The following SPTB variants were observed in gnomAD, a reference collection of about 807,000 sequenced individuals.
SPTB encodes spectrin beta, erythrocytic, also known as spectrin beta chain, erythrocytic.
SPTB carries 45 observed loss-of-function variants against 256.2 expected under a neutral mutation model. That is an observed-to-expected ratio of 0.18 (90% CI 0.14 to 0.23). SPTB has a LOEUF of 0.23. Ranked by LOEUF, SPTB falls within the 10% of genes least tolerant of loss-of-function variation. The probability of loss-of-function intolerance (pLI) is 1.00; values close to 1 mark genes in which losing one functional copy is unlikely to be tolerated. For missense variants in SPTB, 2,715 were observed against 3,040.4 expected, an observed-to-expected ratio of 0.89 and a Z score of 2.52; for synonymous variants, 1,231 against 1,243.1, an observed-to-expected ratio of 0.99 and a Z score of 0.21.
intron 32 of SPTB, chr14:64,756,353 A>C (rs1414159665): frequency 6.6e-6 from 1 of 152,296 alleles, no homozygotes; most frequent in African/African-American, 2.4e-5. Context: ...GTGGATCACG[A>C]GATCAGGAGA....
chr14:64,836,945 G>A (rs1433985874), intron 1 of SPTB, among the ~76,000 whole-genome samples: 10 of 152,288 alleles, frequency 6.6e-5, no homozygotes. Flanking sequence ...AGCCAAACCA[G>A]GCCAATGGGT....
chr14:64,879,854 G>T lies in SPTB; in HGVS notation c.-114C>A. The T allele has an allele frequency of 6.5e-6, 1 of 153,562 alleles. No individual in the cohort carries two copies. Among genetic ancestry groups the T allele is most frequent in the South Asian group, 1.8e-4 (1 of 5,506 alleles). 9.5% of individuals were successfully genotyped at this position (153,562 alleles called of 1,614,324 possible). On this transcript the variant is annotated 5_prime_UTR_variant, in exon 1 of 36. Coordinates refer to ENST00000644917, the MANE Select transcript of SPTB (RefSeq NM_001355436.2). ...GGGGTGGCGGCGGCGGCGGCGCAGG[G>T]GGAGGAGGGCAGCGCGGGGCTCCTG...
chr14:64,814,188 A>C (rs1399969958), intron 2 of SPTB, among the ~76,000 whole-genome samples: 1 of 152,224 alleles, frequency 6.6e-6, no homozygotes, highest in East Asian at 1.9e-4. Context: ...GCATGCCTAT[A>C]GTCCCAGCTA....
Position 64,786,763 on chromosome 14 carries a change from G to T in SPTB, c.3202C>A (p.Gln1068Lys), listed in dbSNP as rs770789297. 3.1e-6 allele frequency: 5 copies of T among 1,613,950 alleles called. No homozygotes were observed. Among genetic ancestry groups the T allele is most frequent in the South Asian group, 1.1e-5 (1 of 91,090 alleles). Residue 1068 changes from glutamine to lysine, a missense_variant, in exon 16 of 36, where the codon CAG (glutamine) becomes AAG (lysine). Gln to Lys is a moderately conservative substitution (Grantham distance 53). Transcript: ENST00000644917. This position sits in a 1 kb window ranked among gnomAD's most constrained non-coding sequence, Gnocchi z 5.6. ...GEVSQLQAFL[Q>K]DLDDFQAWLS... Reference sequence around the variant, plus strand: ...CAGGCCTGGAAGTCATCCAGATCCTGCAGGAAGGCCTGCAGCTGGCTGACT... The same window carrying T: ...CAGGCCTGGAAGTCATCCAGATCCTTCAGGAAGGCCTGCAGCTGGCTGACT...
At chr14:64,782,740 T>C (rs1045687904) in intron 19 of SPTB, among the ~76,000 whole-genome samples, 187 bp from the exon 20 acceptor site, 2 of 151,614 alleles carry the variant, frequency 1.3e-5, no homozygotes, top group African/African-American at 4.9e-5. Flanking sequence ...TCCAAACTTT[T>C]GGCTTCCCTG....
rs930472599 is a variant in SPTB at position 64,847,245 on chromosome 14, C to T, written c.-51-24100G>A. Among the ~76,000 whole-genome samples the T allele has an allele frequency of 2.0e-5, 3 of 152,210 alleles. No individual in the cohort carries two copies. Among genetic ancestry groups the T allele is most frequent in the Non-Finnish European group, 4.4e-5 (3 of 68,046 alleles). On this transcript the variant is annotated intron_variant, in intron 1 of 35. Transcript: ENST00000644917. This position sits in a 1 kb window ranked among gnomAD's most constrained non-coding sequence, Gnocchi z 5.9. Reference sequence around the variant, plus strand: ...GGCCAGCGAAGACAGCCCAACTTGGCTGTGGTCTTCTTTCCTAAAACACAT... The same window carrying T: ...GGCCAGCGAAGACAGCCCAACTTGGTTGTGGTCTTCTTTCCTAAAACACAT...
At position 64,793,233 on chromosome 14, in the gene SPTB, G is replaced by T. The variant is rs373637247; in HGVS notation, c.2430C>A (p.Pro810=). ...CATCTGGGGAATCCCGAAACTCTTC[G>T]GGGAATCCCTGGGCCTGCTGCTCCA... ...EHLEQQAQGF[P]EEFRDSPDVT... is the part of the protein sequence containing the mutation. The change falls in exon 14 of 36, where the codon CCC becomes CCA. Residue 810 remains proline, a synonymous_variant. Transcript: ENST00000644917. This position sits in a 1 kb window ranked among gnomAD's most constrained non-coding sequence, Gnocchi z 7.0. The T allele has an allele frequency of 5.0e-5, 80 of 1,609,964 alleles. No homozygotes were observed. The highest frequency in any genetic ancestry group is 5.8e-5 in the Non-Finnish European group (68 of 1,180,030).
intron 1 of SPTB, among the ~76,000 whole-genome samples, chr14:64,828,865 T>C (rs1182625159): frequency 3.9e-5 from 6 of 152,246 alleles, no homozygotes; most frequent in Non-Finnish European, 7.3e-5. Flanking sequence ...CTCAACATTG[T>C]AGTGAGGTCT....
chr14:64,858,533 A>T (rs1254787292), intron 1 of SPTB, among the ~76,000 whole-genome samples: 1 of 152,150 alleles, frequency 6.6e-6, no homozygotes, highest in Non-Finnish European at 1.5e-5. Flanking sequence ...GACTGGAAGA[A>T]GAGAGGAGAG....
chr14:64,876,679 G>A (rs767573702), intron 1 of SPTB, among the ~76,000 whole-genome samples: 15 of 152,148 alleles, frequency 9.9e-5, no homozygotes, highest in Non-Finnish European at 1.9e-4. Context: ...AGCAATGGGG[G>A]AGATTATAGA....
At chr14:64,863,124 TG>T (rs1881957116) in intron 1 of SPTB, among the ~76,000 whole-genome samples, 5 of 152,228 alleles carry the variant, frequency 3.3e-5, no homozygotes, top group Middle Eastern at 3.4e-3. Context: ...CATAGCTGGT[TG>T]TATGTCACTC....
chr14:64,769,188 G>A lies in SPTB; in HGVS notation c.5938-70C>T, dbSNP rs2082240011. ...CACCATCTGAGGCAGTGCGCAGATG[G>A]GTCCTGCAAAGAATGCCAGGTTTGG... On this transcript the variant is annotated intron_variant, in intron 28 of 35. Coordinates refer to ENST00000644917, the MANE Select transcript of SPTB (RefSeq NM_001355436.2). 3 of 1,421,872 alleles carry A rather than the reference G, an allele frequency of 2.1e-6. No homozygotes were observed. The African/African-American group carries it at 4.2e-5, about 20-fold the overall frequency. The allele number at this position is 1,421,872 out of a possible 1,614,324, so 88.1% of individuals were successfully genotyped here. A position where few individuals can be genotyped will look rare whatever the true frequency, so the allele number is the denominator to read the frequency against.
intron 10 of SPTB, 147 bp downstream of exon 10, chr14:64,797,582 T>C: frequency 5.8e-6 from 4 of 692,930 alleles, no homozygotes; most frequent in Non-Finnish European, 1.1e-5. Context: ...AGAACCAGGT[T>C]CGATAACTCC....
intron 2 of SPTB, among the ~76,000 whole-genome samples, chr14:64,812,200 C>T (rs945401172): frequency 1.3e-5 from 2 of 152,214 alleles, no homozygotes; most frequent in Admixed American, 6.5e-5. Context: ...CTGCCTGCCT[C>T]GGCCTCCCAA....
intron 1 of SPTB, among the ~76,000 whole-genome samples, chr14:64,839,591 CAT>C (rs1317957219): frequency 3.3e-5 from 5 of 152,038 alleles, no homozygotes; most frequent in Non-Finnish European, 7.4e-5. Context: ...CTAAAAGCAA[CAT>C]ATTAAAACTA....
At chr14:64,809,432 G>A (rs1327619671) in intron 2 of SPTB, among the ~76,000 whole-genome samples, 3 of 149,200 alleles carry the variant, frequency 2.0e-5, no homozygotes, top group South Asian at 2.1e-4. Flanking sequence ...TGCAACCTCC[G>A]CCTCCCGAGT....
At chr14:64,868,307 G>T (rs1212286667) in intron 1 of SPTB, among the ~76,000 whole-genome samples, 1 of 151,384 alleles carries the variant, frequency 6.6e-6, no homozygotes, top group Non-Finnish European at 1.5e-5. Context: ...CCAAGTAGAT[G>T]TGGAAGTATG....
rs1396549326 is a variant in SPTB, at chr14:64,873,542, A to C, written c.-52+6250T>G. On this transcript the variant is annotated intron_variant, in intron 1 of 35. Transcript: ENST00000644917. This position sits in a 1 kb window ranked among gnomAD's most constrained non-coding sequence, Gnocchi z 4.3. ...ATGGCATGCTACTGAGAATCCATTAATTCATGCTTTGGAACAGCATCTGTG... is the reference window on the plus strand; with the variant it reads ...ATGGCATGCTACTGAGAATCCATTACTTCATGCTTTGGAACAGCATCTGTG... Among the ~76,000 whole-genome samples the C allele has an allele frequency of 6.6e-6, 1 of 152,222 alleles. No individual in the cohort carries two copies. Among genetic ancestry groups the C allele is most frequent in the African/African-American group, 2.4e-5 (1 of 41,448 alleles).
chr14:64,834,709 G>T (rs1200186804), intron 1 of SPTB, among the ~76,000 whole-genome samples: 2 of 152,162 alleles, frequency 1.3e-5, no homozygotes, highest in Non-Finnish European at 2.9e-5. Context: ...ACAGGCATGA[G>T]CCACCGTGCC....
Sources: allele counts gnomAD v4.1 joint callset (sites outside exome capture counted in the v4.1 genomes callset), GRCh38; gene constraint gnomAD v4.1.1; non-coding constraint Gnocchi (gnomAD v3.1); transcripts MANE v1.5; gene names NCBI Gene and HGNC (gene_info 2026-07-23, HGNC 2026-07-21).